TMTC1: variants seen among roughly 807,000 people sequenced by gnomAD.
The protein encoded by TMTC1 is transmembrane O-mannosyltransferase targeting cadherins 1.
In TMTC1, 73 loss-of-function variants were observed where a neutral mutation model predicts 104.8. The ratio of observed to expected loss-of-function variants is 0.70; its 90% CI spans 0.58 to 0.85. TMTC1 has a LOEUF of 0.85. Ranked by LOEUF, TMTC1 falls within the 40% of genes least tolerant of loss-of-function variation. The pLI is 0.00. For missense variants in TMTC1, 1,035 were observed against 1,096.1 expected, an observed-to-expected ratio of 0.94 and a Z score of 0.79; for synonymous variants, 434 against 428.7, an observed-to-expected ratio of 1.01 and a Z score of -0.15.
rs1226563827 is a variant in TMTC1, at chr12:29,721,807, CCATATAAGAAATT to C, written c.938+29846_938+29858del. Among the ~76,000 whole-genome samples, 559 of 151,514 alleles carry C rather than the reference CCATATAAGAAATT, an allele frequency of 3.7e-3. 5 individuals carry two copies. The highest frequency in any genetic ancestry group is 0.013 in the African/African-American group (530 of 41,346). The stretch of plus-strand genomic sequence containing the variant: ...TATAGGTTATTTCTGTTGATATCTA[CCATATAAGAAATT>C]AAAACATAATTTAAGGAAATATTTC... On this transcript the variant is annotated intron_variant, in intron 5 of 17. Transcript: ENST00000539277.
chr12:29,517,652 C>T lies in TMTC1; in HGVS notation c.2025-81G>A, dbSNP rs781103422. 2.4e-5 allele frequency: 37 copies of T among 1,536,502 alleles called. No individual in the cohort carries two copies. In the Admixed American group the frequency reaches 2.6e-4, roughly 11 times the overall value. On this transcript the variant is annotated intron_variant, in intron 13 of 17. Coordinates refer to ENST00000539277, the MANE Select transcript of TMTC1 (RefSeq NM_001193451.2). ...TGTCTAGGCTTAGATTTAGGGAAGACGGTCCATGGTTTGAACCTCTGCTCC... is the reference window on the plus strand; with the variant it reads ...TGTCTAGGCTTAGATTTAGGGAAGATGGTCCATGGTTTGAACCTCTGCTCC...
chr12:29,687,887 T>C (rs944606962), intron 5 of TMTC1, among the ~76,000 whole-genome samples: 3 of 152,170 alleles, frequency 2.0e-5, no homozygotes, highest in African/African-American at 7.2e-5. Flanking sequence ...ACCAGTCATA[T>C]TGGATTAGGG....
intron 5 of TMTC1, among the ~76,000 whole-genome samples, chr12:29,695,672 T>C (rs1036607101): frequency 3.3e-5 from 5 of 151,710 alleles, no homozygotes; most frequent in African/African-American, 9.7e-5. Context: ...CATTACGATA[T>C]AACCCAAAAG....
chr12:29,684,416 T>C (rs1941026481), intron 5 of TMTC1, among the ~76,000 whole-genome samples: 2 of 152,206 alleles, frequency 1.3e-5, no homozygotes, highest in South Asian at 4.1e-4. Flanking sequence ...CATTTGACTA[T>C]ATACATCACA....
intron 5 of TMTC1, among the ~76,000 whole-genome samples, chr12:29,730,192 A>T (rs182146295): frequency 1.3e-5 from 2 of 152,326 alleles, no homozygotes; most frequent in East Asian, 3.9e-4. Context: ...ACAAAGTGAG[A>T]TTTAAAAAAT....
intron 2 of TMTC1, among the ~76,000 whole-genome samples, chr12:29,767,293 T>C (rs1202543357): frequency 6.6e-6 from 1 of 152,176 alleles, no homozygotes; most frequent in East Asian, 1.9e-4. Context: ...ACACAATAAC[T>C]ACCCTTCCTA....
At position 29,692,650 on chromosome 12, in the gene TMTC1, C is replaced by T. The variant is rs752362855; in HGVS notation, c.938+59016G>A. On this transcript the variant is annotated intron_variant, in intron 5 of 17. Transcript: ENST00000539277. ...AATTCCTTCCTTGGTATTCATCTTT[C>T]CAAGAATATAAAAATAAATATCCAC... Among the ~76,000 whole-genome samples the T allele has an allele frequency of 8.3e-5, 12 of 144,978 alleles. 1 individual carries two copies. The highest frequency in any genetic ancestry group is 1.7e-4 in the Non-Finnish European group (11 of 66,126).
chr12:29,725,894 T>C (rs1942375364), intron 5 of TMTC1, among the ~76,000 whole-genome samples: 1 of 152,200 alleles, frequency 6.6e-6, no homozygotes, highest in Admixed American at 6.5e-5. Context: ...CACTTTATTT[T>C]TTCTCTCTAC....
intron 6 of TMTC1, among the ~76,000 whole-genome samples, chr12:29,612,299 T>C (rs1003359019): frequency 7.2e-5 from 11 of 152,204 alleles, no homozygotes; most frequent in Non-Finnish European, 1.3e-4. Context: ...GATTGCATTC[T>C]ACACTCTACA....
chr12:29,608,249 A>G (rs1166572293), intron 6 of TMTC1, among the ~76,000 whole-genome samples: 1 of 152,232 alleles, frequency 6.6e-6, no homozygotes, highest in Non-Finnish European at 1.5e-5. Context: ...CCGATTCTGT[A>G]TCCTGTGGAT....
Position 29,518,558 on chromosome 12 carries a change from G to A in TMTC1, c.1938C>T (p.Ser646=), listed in dbSNP as rs776070366. ...VAHYQQAIKL[S]PSHHVAMVNL... is the part of the protein sequence containing the mutation. ...TCACCATGGCCACGTGATGACTGGGGCTAAGTTTGATGGCCTGCTGGTAAT... is the reference window on the plus strand; with the variant it reads ...TCACCATGGCCACGTGATGACTGGGACTAAGTTTGATGGCCTGCTGGTAAT... The change falls in exon 13 of 18, where the codon AGC becomes AGT. Residue 646 remains serine (S), a synonymous_variant. Coordinates refer to ENST00000539277, the MANE Select transcript of TMTC1 (RefSeq NM_001193451.2). 7.4e-6 allele frequency: 12 copies of A among 1,614,102 alleles called. 1 individual carries two copies. The South Asian group carries it at 9.9e-5, about 13-fold the overall frequency.
At chr12:29,675,157 T>C (rs1397292702) in intron 5 of TMTC1, among the ~76,000 whole-genome samples, 1 of 116,458 alleles carries the variant, frequency 8.6e-6, no homozygotes, top group Non-Finnish European at 1.8e-5. Flanking sequence ...ATTTAATTCA[T>C]CAAACTGTGT....
intron 3 of TMTC1, among the ~76,000 whole-genome samples, chr12:29,757,942 C>T (rs528474599): frequency 2.0e-5 from 3 of 152,094 alleles, no homozygotes; most frequent in South Asian, 2.1e-4. Flanking sequence ...GTTCCTTCCA[C>T]GACACATGGA....
At chr12:29,712,855 G>T (rs1258381881) in intron 5 of TMTC1, among the ~76,000 whole-genome samples, 1 of 152,164 alleles carries the variant, frequency 6.6e-6, no homozygotes, top group African/African-American at 2.4e-5. Flanking sequence ...GAATCTACTG[G>T]TCTACCTTCA....
intron 9 of TMTC1, among the ~76,000 whole-genome samples, chr12:29,562,239 A>G (rs1337580645): frequency 6.6e-6 from 1 of 152,218 alleles, no homozygotes; most frequent in Non-Finnish European, 1.5e-5. Context: ...GATCCATTAC[A>G]GATAGCCTCG....
At chr12:29,690,569 T>C (rs986596473) in intron 5 of TMTC1, among the ~76,000 whole-genome samples, 12 of 152,234 alleles carry the variant, frequency 7.9e-5, no homozygotes, top group African/African-American at 2.9e-4. Context: ...AATGAGATTA[T>C]CCATTTCAAA....
intron 5 of TMTC1, among the ~76,000 whole-genome samples, chr12:29,731,516 A>G (rs1942545596): frequency 6.6e-6 from 1 of 152,200 alleles, no homozygotes; most frequent in Admixed American, 6.5e-5. Flanking sequence ...TCTTAGAAGA[A>G]AAGAAACTGT....
chr12:29,663,465 T>G (rs1240479530), intron 5 of TMTC1, among the ~76,000 whole-genome samples: 2 of 152,160 alleles, frequency 1.3e-5, no homozygotes, highest in Admixed American at 1.3e-4. Context: ...GCAGTGGTTT[T>G]CCTTTCTATA....
chr12:29,669,147 G>C (rs560696442), intron 5 of TMTC1, among the ~76,000 whole-genome samples: 1 of 152,252 alleles, frequency 6.6e-6, no homozygotes, highest in East Asian at 1.9e-4. Context: ...TGAGGAAGAT[G>C]AGAAGTGAAT....
Sources: allele counts gnomAD v4.1 joint callset (sites outside exome capture counted in the v4.1 genomes callset), GRCh38; gene constraint gnomAD v4.1.1; transcripts MANE v1.5; gene names NCBI Gene and HGNC (gene_info 2026-07-23, HGNC 2026-07-21).